GABPB1: variants seen among roughly 807,000 people sequenced by gnomAD.
The protein encoded by GABPB1 is GA-binding protein subunit beta-1.
In GABPB1, 15 loss-of-function variants were observed where a neutral mutation model predicts 45.9. The ratio of observed to expected loss-of-function variants is 0.33; its 90% CI spans 0.22 to 0.50. GABPB1 has a LOEUF of 0.50. Among genes scored for constraint, GABPB1 ranks in the 20% least tolerant of loss-of-function variants. The pLI, the probability that GABPB1 is intolerant of heterozygous loss-of-function variation, is 0.98. For synonymous variants in GABPB1, 143 were observed against 154.4 expected, an observed-to-expected ratio of 0.93 and a Z score of 0.55; for missense variants, 252 against 457.5, an observed-to-expected ratio of 0.55 and a Z score of 4.10.
At chr15:50,342,324 CTT>C (rs71124343) in intron 1 of GABPB1, among the ~76,000 whole-genome samples, 19 of 147,314 alleles carry the variant, frequency 1.3e-4, no homozygotes, top group East Asian at 9.9e-4. Context: ...GGATTGATCT[CTT>C]TTTTTTTTTT....
chr15:50,344,947 G>A (rs1383230016), intron 1 of GABPB1, among the ~76,000 whole-genome samples: 2 of 152,142 alleles, frequency 1.3e-5, no homozygotes, highest in Non-Finnish European at 2.9e-5. Flanking sequence ...GTGAGAGGCT[G>A]AATAATAATA....
intron 3 of GABPB1, 106 bp downstream of exon 3, chr15:50,303,860 A>C (rs1395535227): frequency 2.4e-6 from 2 of 822,614 alleles, no homozygotes; most frequent in Admixed American, 5.5e-5. Context: ...AAAATGAAAT[A>C]CTATAGATAA....
intron 1 of GABPB1, chr15:50,350,372 T>C (rs2048774832): frequency 6.9e-6 from 1 of 144,128 alleles, no homozygotes; most frequent in African/African-American, 2.6e-5. Context: ...TCTAGTATGC[T>C]CACAATTAAA....
intron 1 of GABPB1, among the ~76,000 whole-genome samples, chr15:50,321,446 A>G (rs779480084): frequency 2.6e-5 from 4 of 152,174 alleles, no homozygotes; most frequent in Non-Finnish European, 5.9e-5. Flanking sequence ...TCTTTCAGTA[A>G]CCATAACCTG....
chr15:50,349,576 TAAC>T (rs2048745697), intron 1 of GABPB1: 1 of 152,036 alleles, frequency 6.6e-6, no homozygotes, highest in Admixed American at 6.6e-5. Flanking sequence ...CACATAAGAG[TAAC>T]AACACACAAC....
At chr15:50,334,934 G>A (rs908690818) in intron 1 of GABPB1, among the ~76,000 whole-genome samples, 1 of 151,934 alleles carries the variant, frequency 6.6e-6, no homozygotes, top group South Asian at 2.1e-4. Flanking sequence ...GTTTCTACTG[G>A]TTCATGCCTA....
At chr15:50,326,738 G>GTGGGAGGACTGCTTGAGCC (rs2047780998) in intron 1 of GABPB1, among the ~76,000 whole-genome samples, 1 of 152,098 alleles carries the variant, frequency 6.6e-6, no homozygotes, top group South Asian at 2.1e-4. Flanking sequence ...GGACGCTGAG[G>GTGGGAGGACTGCTTGAGCC]TGGGAGGACT....
At chr15:50,305,328 TTTGTTTGTTTAATTG>T (rs1409918381) in intron 2 of GABPB1, among the ~76,000 whole-genome samples, 4 of 149,694 alleles carry the variant, frequency 2.7e-5, no homozygotes, top group Non-Finnish European at 5.9e-5. Flanking sequence ...TTTTTGTTTG[TTTGTTTGTTTAATTG>T]TTGTTTGTTT....
chr15:50,282,337 T>C (rs756624225), intron 8 of GABPB1: 1 of 453,644 alleles, frequency 2.2e-6, no homozygotes, highest in South Asian at 1.6e-5. Context: ...GGTGGGAGGA[T>C]CACTTGAGGC....
intron 1 of GABPB1, among the ~76,000 whole-genome samples, chr15:50,334,905 T>A (rs184039185): frequency 2.0e-5 from 3 of 152,358 alleles, no homozygotes; most frequent in Admixed American, 6.5e-5. Context: ...ATGATGTTTA[T>A]CTTTTTCTGC....
rs1209442959 is a variant in GABPB1, at chr15:50,277,089, G to C, written c.*1543C>G. On this transcript the variant is annotated 3_prime_UTR_variant, in exon 9 of 9. Transcript: ENST00000380877. ...CCTTTATTACATTAACAAATATACT[G>C]GTAATTCCAGTGAAAGAGTTAACAA... is the stretch of plus-strand genomic sequence containing the variant. The C allele has an allele frequency of 2.6e-5, 4 of 152,014 alleles. No individual in the cohort carries two copies. In the East Asian group the frequency reaches 7.7e-4, roughly 29 times the overall value. 9.4% of individuals were successfully genotyped at this position (152,014 alleles called of 1,614,324 possible). A position where few individuals can be genotyped will look rare whatever the true frequency, so the allele number is the denominator to read the frequency against.
chr15:50,347,968 G>A (rs544218963), intron 1 of GABPB1, among the ~76,000 whole-genome samples: 19 of 150,962 alleles, frequency 1.3e-4, no homozygotes, highest in African/African-American at 4.2e-4. Flanking sequence ...ACTTGAACCC[G>A]GGAGGCAGAG....
chr15:50,295,608 T>C (rs144030975), intron 6 of GABPB1, among the ~76,000 whole-genome samples: 2 of 147,718 alleles, frequency 1.4e-5, no homozygotes, highest in East Asian at 2.0e-4. Flanking sequence ...AAAATACATA[T>C]CTGTAATTCC....
At chr15:50,297,018 C>G (rs1465708005) in intron 6 of GABPB1, among the ~76,000 whole-genome samples, 1 of 147,200 alleles carries the variant, frequency 6.8e-6, no homozygotes, top group Non-Finnish European at 1.5e-5. Flanking sequence ...TCAAGCGATT[C>G]TCCTGTCTCA....
chr15:50,314,922 T>C (rs1225235634), intron 1 of GABPB1, among the ~76,000 whole-genome samples: 1 of 152,254 alleles, frequency 6.6e-6, no homozygotes, highest in Non-Finnish European at 1.5e-5. Flanking sequence ...CACGTATCAA[T>C]CAGCTTGTCC....
At chr15:50,343,060 C>T (rs1156241074) in intron 1 of GABPB1, among the ~76,000 whole-genome samples, 5 of 152,110 alleles carry the variant, frequency 3.3e-5, no homozygotes, top group East Asian at 1.9e-4. Flanking sequence ...CCACCACACC[C>T]GGCTAATTTT....
intron 6 of GABPB1, 46 bp from the exon 7 acceptor site, chr15:50,289,714 G>C: frequency 7.0e-7 from 1 of 1,436,830 alleles, no homozygotes; most frequent in Non-Finnish European, 9.4e-7. Flanking sequence ...GTAACGGTAT[G>C]AATAGAAACC....
chr15:50,289,852 A>G (rs1350226063), intron 6 of GABPB1, among the ~76,000 whole-genome samples, 184 bp from the exon 7 acceptor site: 4 of 151,514 alleles, frequency 2.6e-5, no homozygotes, highest in Admixed American at 2.0e-4. Context: ...GGCTCACTGC[A>G]TCCTTAACTC....
chr15:50,329,039 A>T (rs1486972969), intron 1 of GABPB1, among the ~76,000 whole-genome samples: 2 of 152,196 alleles, frequency 1.3e-5, no homozygotes, highest in Non-Finnish European at 2.9e-5. Context: ...AATTTTGGCC[A>T]AGGAGAGCCT....
Sources: gnomAD v4.1 joint callset for allele counts (sites outside exome capture counted in the v4.1 genomes callset) on GRCh38, gnomAD v4.1.1 for gene constraint, MANE v1.5 for transcripts, NCBI Gene and HGNC (gene_info 2026-07-23, HGNC 2026-07-21) for gene names.